CLCN6: variants seen among roughly 807,000 people sequenced by gnomAD.
The protein encoded by CLCN6 is H(+)/Cl(-) exchange transporter 6.
Under a neutral mutation model 109.8 loss-of-function variants are expected in CLCN6, and 70 were observed. That is an observed-to-expected ratio of 0.64 (90% confidence interval 0.53 to 0.78). The LOEUF (loss-of-function observed/expected upper bound fraction) is 0.78, where lower values mean the gene tolerates loss of function less well. Ranked by LOEUF, CLCN6 falls within the 30% of genes least tolerant of loss-of-function variation. The probability of loss-of-function intolerance (pLI) is 0.00; values close to 1 mark genes in which losing one functional copy is unlikely to be tolerated. For missense variants in CLCN6, 984 were observed against 1,142.3 expected, an observed-to-expected ratio of 0.86 and a Z score of 2.00; for synonymous variants, 444 against 447.8, an observed-to-expected ratio of 0.99 and a Z score of 0.11.
chr1:11,827,372 G>A (rs1570531576), intron 10 of CLCN6, 151 bp downstream of exon 10: 1 of 692,000 alleles, frequency 1.4e-6, no homozygotes, highest in South Asian at 2.4e-5. Flanking sequence ...CCTCCACACT[G>A]GACTTTCTGT....
chr1:11,828,786 C>T (rs1644845251), intron 12 of CLCN6, among the ~76,000 whole-genome samples, 162 bp downstream of exon 12: 1 of 152,192 alleles, frequency 6.6e-6, no homozygotes, highest in African/African-American at 2.4e-5. Flanking sequence ...ACTTGACAGG[C>T]CAAAGGGCTG....
At chr1:11,838,129 G>A (rs555613532) in intron 20 of CLCN6, among the ~76,000 whole-genome samples, 1 of 152,298 alleles carries the variant, frequency 6.6e-6, no homozygotes, top group African/African-American at 2.4e-5. Context: ...ACAGATCAGG[G>A]GACTTGCCCA....
At chr1:11,807,680 A>G (rs56221660) in intron 2 of CLCN6, among the ~76,000 whole-genome samples, 15,074 of 152,288 alleles carry the variant, frequency 0.099, 805 homozygotes, top group South Asian at 0.16. Flanking sequence ...AGTAAAGCCA[A>G]CACTGCTGGG....
intron 10 of CLCN6, 143 bp downstream of exon 10, chr1:11,827,364 T>C (rs2100640299): frequency 1.4e-6 from 1 of 703,562 alleles, no homozygotes; most frequent in Non-Finnish European, 2.2e-6. Flanking sequence ...GCCCATAACC[T>C]CCACACTGGA....
intron 10 of CLCN6, among the ~76,000 whole-genome samples, chr1:11,827,516 G>A (rs1375401046): frequency 6.9e-6 from 1 of 144,050 alleles, no homozygotes; most frequent in Non-Finnish European, 1.5e-5. Context: ...GCTTACTGCA[G>A]CCTCTGCCTC....
At chr1:11,822,837 GT>G in intron 6 of CLCN6, 36 bp downstream of exon 6, 2 of 1,335,336 alleles carry the variant, frequency 1.5e-6, no homozygotes, top group Non-Finnish European at 2.2e-6. Flanking sequence ...CGCTTAGGAG[GT>G]TTTAGAGTCC....
At chr1:11,826,322 C>G in intron 9 of CLCN6, 108 bp downstream of exon 9, 1 of 898,504 alleles carries the variant, frequency 1.1e-6, no homozygotes, top group Non-Finnish European at 1.8e-6. Context: ...GCGGGGAAAC[C>G]CGACTGGGAG....
In CLCN6 at chr1:11,835,954, C is replaced by G; in HGVS notation, c.1794-13C>G. ...ACTGTCATGAGGCTGGATGACTTGC[C>G]CTCCTCCCCCAGGCTGAGAGCCAGC... On this transcript the variant is annotated splice_polypyrimidine_tract_variant and intron_variant, in intron 17 of 22. Coordinates refer to ENST00000346436, the MANE Select transcript of CLCN6 (RefSeq NM_001286.5). 1 of 1,609,394 alleles carries G rather than the reference C, an allele frequency of 6.2e-7. No individual in the cohort carries two copies. Among genetic ancestry groups the G allele is most frequent in the Middle Eastern group, 1.7e-4 (1 of 5,918 alleles).
chr1:11,807,959 T>C (rs1019987921), intron 2 of CLCN6, among the ~76,000 whole-genome samples: 1 of 148,306 alleles, frequency 6.7e-6, no homozygotes, highest in African/African-American at 2.6e-5. Flanking sequence ...CAACCTTTTC[T>C]TTTTTTTGAC....
At chr1:11,810,846 G>A (rs1237542477) in intron 2 of CLCN6, among the ~76,000 whole-genome samples, 4 of 152,030 alleles carry the variant, frequency 2.6e-5, no homozygotes, top group Non-Finnish European at 5.9e-5. Flanking sequence ...CAGGAGGATC[G>A]CTTAAAGCCA....
At chr1:11,808,852 TTTTTTTTTC>T (rs1644559852) in intron 2 of CLCN6, among the ~76,000 whole-genome samples, 1 of 150,104 alleles carries the variant, frequency 6.7e-6, no homozygotes, top group Non-Finnish European at 1.5e-5. Context: ...GTTCTATTTC[TTTTTTTTTC>T]TTTTTTTTAA....
At position 11,806,285 on chromosome 1, in the gene CLCN6, TGTGCTGCTGCTGCAGGTG is replaced by T. The variant is rs754787159; in HGVS notation, c.37_54del (p.Arg13_Cys18del). ...AAGATGGCGGGGTGCAGGGGGTCTC[TGTGCTGCTGCTGCAGGTG>T]GTGCTGCTGCTGCGGTGAGCGTGAG... On this transcript the variant is annotated inframe_deletion, in exon 1 of 23. Coordinates refer to ENST00000346436, the MANE Select transcript of CLCN6 (RefSeq NM_001286.5). The T allele has an allele frequency of 8.6e-6, 13 of 1,503,254 alleles. No individual in the cohort carries two copies. The highest frequency in any genetic ancestry group is 1.5e-5 in the African/African-American group (1 of 67,990). The allele number at this position is 1,503,254 out of a possible 1,614,324, so 93.1% of individuals were successfully genotyped here. A position where few individuals can be genotyped will look rare whatever the true frequency, so the allele number is the denominator to read the frequency against.
chr1:11,816,069 A>T, intron 3 of CLCN6, 158 bp downstream of exon 3: 1 of 593,840 alleles, frequency 1.7e-6, no homozygotes. Context: ...GCTTTATTTC[A>T]CCTCGCAGGT....
At chr1:11,816,830 C>T in intron 4 of CLCN6, 150 bp downstream of exon 4, 1 of 516,544 alleles carries the variant, frequency 1.9e-6, no homozygotes, top group African/African-American at 2.1e-5. Flanking sequence ...ATCAAGAGTG[C>T]CTTTTCTTTT....
intron 8 of CLCN6, among the ~76,000 whole-genome samples, chr1:11,825,667 G>C (rs1644802313): frequency 6.6e-6 from 1 of 152,168 alleles, no homozygotes; most frequent in Non-Finnish European, 1.5e-5. Context: ...CTGTTGCCCA[G>C]GCTGGAGTGC....
In CLCN6 at chr1:11,820,372, G is replaced by A. The variant is rs902709986; in HGVS notation, c.346+818G>A. ...CATACTATAAATAAGATAAATTCCA[G>A]ATGAAGATGTAAATATGCAGAACAA... On this transcript the variant is annotated intron_variant, in intron 5 of 22. Transcript: ENST00000346436. The A allele has an allele frequency of 8.4e-6, 6 of 716,374 alleles. No homozygotes were observed. The African/African-American group carries it at 1.0e-4, about 13-fold the overall frequency. The allele number at this position is 716,374 out of a possible 1,614,324, so 44.4% of individuals were successfully genotyped here.
chr1:11,838,789 A>G (rs759858201), intron 22 of CLCN6, 129 bp downstream of exon 22: 13 of 1,368,308 alleles, frequency 9.5e-6, no homozygotes, highest in Admixed American at 1.7e-5. Context: ...GCCCAACACT[A>G]GCTTTGAACC....
In CLCN6 at chr1:11,834,025, A is replaced by C. The variant is rs1227996825; in HGVS notation, c.1521A>C (p.Leu507=). Residue 507 remains leucine, a synonymous_variant, in exon 15 of 23, where the codon CTA becomes CTC. Transcript: ENST00000346436. The surrounding 1 kb of genome is among the most constrained non-coding windows in gnomAD (Gnocchi z 4.5). ...AAFGRLVANV[L]KSYIGLGHIY... is the part of the protein sequence containing the mutation. ...TTGGACGTTTAGTTGCCAATGTCCTAAAAAGGTACTCTGTGTGTGTGCGTG... is the reference window on the plus strand; with the variant it reads ...TTGGACGTTTAGTTGCCAATGTCCTCAAAAGGTACTCTGTGTGTGTGCGTG... The C allele has an allele frequency of 6.2e-7, 1 of 1,613,836 alleles. No homozygotes were observed. Among genetic ancestry groups the C allele is most frequent in the African/African-American group, 1.3e-5 (1 of 74,896 alleles).
chr1:11,814,001 ATAAT>A (rs1383439833), intron 2 of CLCN6, among the ~76,000 whole-genome samples: 1 of 152,152 alleles, frequency 6.6e-6, no homozygotes, highest in Non-Finnish European at 1.5e-5. Context: ...ATTTGGATGT[ATAAT>A]TGATTTACTC....
Sources: allele counts gnomAD v4.1 joint callset (sites outside exome capture counted in the v4.1 genomes callset), GRCh38; gene constraint gnomAD v4.1.1; non-coding constraint Gnocchi (gnomAD v3.1); transcripts MANE v1.5; gene names NCBI Gene and HGNC (gene_info 2026-07-23, HGNC 2026-07-21).